Variants in ZNF30 observed in about 807,000 individuals in gnomAD.
The protein encoded by ZNF30 is zinc finger protein 30.
A neutral mutation model predicts 13.2 loss-of-function variants in ZNF30; 15 were observed. The observed-to-expected ratio is 1.13, with a 90% CI of 0.76 to 1.75. ZNF30 has a LOEUF of 1.75. ZNF30 is among the 40% of genes most tolerant of loss of function. The pLI is 0.00. For missense variants in ZNF30, 726 were observed against 757.0 expected, an observed-to-expected ratio of 0.96 and a Z score of 0.48; for synonymous variants, 223 against 256.6, an observed-to-expected ratio of 0.87 and a Z score of 1.25.
chr19:34,936,526 A>T (rs892417850), intron 4 of ZNF30, among the ~76,000 whole-genome samples: 1 of 152,140 alleles, frequency 6.6e-6, no homozygotes, highest in African/African-American at 2.4e-5. Flanking sequence ...ACTCCTGCTC[A>T]TCCAAGCAAA....
Position 34,945,076 on chromosome 19 carries a change from G to T in ZNF30, c.*238G>T. 1 of 443,158 alleles carries T rather than the reference G, an allele frequency of 2.3e-6. No homozygotes were observed. Among genetic ancestry groups the T allele is most frequent in the Non-Finnish European group, 3.9e-6 (1 of 253,968 alleles). The allele number at this position is 443,158 out of a possible 1,614,324, so 27.5% of individuals were successfully genotyped here. On this transcript the variant is annotated 3_prime_UTR_variant, in exon 5 of 5. Coordinates refer to ENST00000601142, the MANE Select transcript of ZNF30 (RefSeq NM_194325.3). ...AAAGTGGGAAACGTTATTACTTAAT[G>T]GTTACAGCACTGACAGCATGAACTT...
intron 4 of ZNF30, among the ~76,000 whole-genome samples, chr19:34,934,837 G>A (rs753901801): frequency 2.0e-5 from 3 of 152,052 alleles, no homozygotes; most frequent in African/African-American, 7.2e-5. Context: ...CCTAGATGAC[G>A]GATTGATGGG....
rs767688229 is a variant in ZNF30, at chr19:34,944,451, A to G, written c.1485A>G (p.Arg495=). The G allele has an allele frequency of 8.1e-6, 13 of 1,613,116 alleles. No individual in the cohort carries two copies. Among genetic ancestry groups the G allele is most frequent in the South Asian group, 2.2e-5 (2 of 91,046 alleles). ...ECKECGKTFS[R]ASYLVQHSRI... ...AGGAATGTGGAAAGACTTTTAGTCG[A>G]GCCTCGTACCTTGTACAACATAGCA... The change falls in exon 5 of 5, where the codon CGA becomes CGG. Residue 495 remains arginine (R), a synonymous_variant. Transcript: ENST00000601142.
chr19:34,927,653 A>G (rs553881438), intron 1 of ZNF30, among the ~76,000 whole-genome samples: 8 of 151,974 alleles, frequency 5.3e-5, no homozygotes, highest in Non-Finnish European at 1.2e-4. Context: ...GGAGAGCAAG[A>G]TGACAGCTGT....
intron 4 of ZNF30, among the ~76,000 whole-genome samples, chr19:34,940,143 G>A (rs1479899422): frequency 6.6e-6 from 1 of 152,136 alleles, no homozygotes; most frequent in Non-Finnish European, 1.5e-5. Context: ...GGCCCTGATA[G>A]AATACTGAAG....
At position 34,945,067 on chromosome 19, in the gene ZNF30, T is replaced by C. The variant is rs769050021; in HGVS notation, c.*229T>C. On this transcript the variant is annotated 3_prime_UTR_variant, in exon 5 of 5. Coordinates refer to ENST00000601142, the MANE Select transcript of ZNF30 (RefSeq NM_194325.3). ...CATTCAGAAAAAGTGGGAAACGTTATTACTTAATGGTTACAGCACTGACAG... is the reference window on the plus strand; with the variant it reads ...CATTCAGAAAAAGTGGGAAACGTTACTACTTAATGGTTACAGCACTGACAG... 7 of 460,758 alleles carry C rather than the reference T, an allele frequency of 1.5e-5. No homozygotes were observed. Among genetic ancestry groups the C allele is most frequent in the Non-Finnish European group, 1.5e-5 (4 of 266,052 alleles). 28.5% of individuals were successfully genotyped at this position (460,758 alleles called of 1,614,324 possible). A position where few individuals can be genotyped will look rare whatever the true frequency, so the allele number is the denominator to read the frequency against.
upstream of ZNF30, among the ~76,000 whole-genome samples, chr19:34,925,371 T>A (rs982846525): frequency 2.0e-5 from 3 of 152,156 alleles, no homozygotes; most frequent in African/African-American, 4.8e-5. Context: ...CTCTCAACAG[T>A]TGGGGGAGCC....
chr19:34,944,285 G>A lies in ZNF30; in HGVS notation c.1319G>A (p.Arg440His), dbSNP rs763261715. ...GAATGTGGCAAAGCCTTTATTAGTC[G>A]CCATCAGCTTACCGTACATCAAAGG... ...CKECGKAFIS[R>H]HQLTVHQRVH... The change falls in exon 5 of 5, where the codon CGC (arginine) becomes CAC (histidine). Residue 440 changes from arginine to histidine, a missense_variant. Arg to His is a conservative substitution (Grantham distance 29). Coordinates refer to ENST00000601142, the MANE Select transcript of ZNF30 (RefSeq NM_194325.3). 36 of 1,611,586 alleles carry A rather than the reference G, an allele frequency of 2.2e-5. No homozygotes were observed. The highest frequency in any genetic ancestry group is 5.4e-5 in the African/African-American group (4 of 74,048).
At chr19:34,942,397 T>C (rs1436461204) in intron 4 of ZNF30, among the ~76,000 whole-genome samples, 2 of 150,996 alleles carry the variant, frequency 1.3e-5, no homozygotes, top group Admixed American at 6.6e-5. Context: ...CATTGAGCTG[T>C]GGTTGTGCCA....
chr19:34,938,883 T>C (rs2012880115), intron 4 of ZNF30, among the ~76,000 whole-genome samples: 1 of 152,150 alleles, frequency 6.6e-6, no homozygotes, highest in South Asian at 2.1e-4. Flanking sequence ...AAAAGTAAGG[T>C]GCAGAGAGAC....
chr19:34,930,503 G>A (rs889751761), intron 2 of ZNF30, among the ~76,000 whole-genome samples: 1 of 152,114 alleles, frequency 6.6e-6, no homozygotes, highest in Admixed American at 6.5e-5. Context: ...AATGGGACCT[G>A]CCAGACTTGG....
At chr19:34,929,049 G>A (rs1465862755) in intron 1 of ZNF30, among the ~76,000 whole-genome samples, 1 of 152,178 alleles carries the variant, frequency 6.6e-6, no homozygotes, top group Non-Finnish European at 1.5e-5. Flanking sequence ...TTGGGAGGCT[G>A]AGGCGGGCGG....
In ZNF30 at chr19:34,943,700, G is replaced by A; in HGVS notation, c.734G>A (p.Gly245Glu). 6.2e-7 allele frequency: 1 copy of A among 1,613,384 alleles called. No homozygotes were observed. The highest frequency in any genetic ancestry group is 8.5e-7 in the Non-Finnish European group (1 of 1,179,616). Residue 245 changes from glycine (G) to glutamate (E), a missense_variant, in exon 5 of 5, where the codon GGA (glycine) becomes GAA (glutamate). Physicochemically the swap from Gly to Glu is moderately conservative, Grantham distance 98. Transcript: ENST00000601142. ...GECGKAFLVY[G>E]KLTRHQSTHT... ...TGTGGGAAAGCTTTTCTAGTATATGGAAAGCTTACCCGGCATCAGAGTACT... is the reference window on the plus strand; with the variant it reads ...TGTGGGAAAGCTTTTCTAGTATATGAAAAGCTTACCCGGCATCAGAGTACT...
intron 1 of ZNF30, among the ~76,000 whole-genome samples, chr19:34,928,220 A>AAAAATATATAT (rs1555778254): frequency 3.7e-4 from 27 of 73,374 alleles, no homozygotes; most frequent in African/African-American, 1.1e-3. Context: ...AAAAAAAAAA[A>AAAAATATATAT]ATATATATAT....
rs1319131251 is a variant in ZNF30, at chr19:34,928,397, T to C, written c.-65+1181T>C. On this transcript the variant is annotated intron_variant, in intron 1 of 4. Coordinates refer to ENST00000601142, the MANE Select transcript of ZNF30 (RefSeq NM_194325.3). ...ATCGGCAGTTTCACTTTCTTCACTT[T>C]GTTACCCTCAGTCAACCATGATCTG... 2.6e-5 allele frequency among the ~76,000 whole-genome samples: 4 copies of C among 151,950 alleles called. No individual in the cohort carries two copies. The East Asian group carries it at 5.8e-4, about 22-fold the overall frequency.
intron 1 of ZNF30, among the ~76,000 whole-genome samples, chr19:34,928,252 T>TATATATATATATAGATAG (rs1325117057): frequency 5.3e-5 from 3 of 56,566 alleles, no homozygotes; most frequent in African/African-American, 2.2e-4. Flanking sequence ...TATATATATA[T>TATATATATATATAGATAG]ATAGATAGAT....
intron 4 of ZNF30, among the ~76,000 whole-genome samples, chr19:34,935,700 G>GTTTTTTTTTTTTTTT (rs142285130): frequency 2.4e-5 from 2 of 84,222 alleles, no homozygotes; most frequent in Admixed American, 1.2e-4. Context: ...GTTGTCTATA[G>GTTTTTTTTTTTTTTT]TTTTTTTTTT....
chr19:34,936,991 C>G (rs1310415731), intron 4 of ZNF30, among the ~76,000 whole-genome samples: 1 of 151,992 alleles, frequency 6.6e-6, no homozygotes, highest in Non-Finnish European at 1.5e-5. Context: ...CAGGTAGTGA[C>G]TATTTTTTTG....
chr19:34,928,467 G>A (rs926459470), intron 1 of ZNF30, among the ~76,000 whole-genome samples: 4 of 151,850 alleles, frequency 2.6e-5, no homozygotes, highest in African/African-American at 9.7e-5. Context: ...AGAGAGAGGG[G>A]CCATGTTCAC....
Sources: gnomAD v4.1 joint callset for allele counts (sites outside exome capture counted in the v4.1 genomes callset) on GRCh38, gnomAD v4.1.1 for gene constraint, MANE v1.5 for transcripts, NCBI Gene and HGNC (gene_info 2026-07-23, HGNC 2026-07-21) for gene names.